LIMCH1: variants seen among roughly 807,000 people sequenced by gnomAD.
LIMCH1 encodes the protein LIM and calponin homology domains-containing protein 1.
Under a neutral mutation model 176.5 loss-of-function variants are expected in LIMCH1, and 113 were observed. The ratio of observed to expected loss-of-function variants is 0.64; its 90% CI spans 0.55 to 0.75. The LOEUF (loss-of-function observed/expected upper bound fraction) is 0.75. Ranked by LOEUF, LIMCH1 falls within the 30% of genes least tolerant of loss-of-function variation. The pLI is 0.00. For missense variants in LIMCH1, 1,674 were observed against 1,814.9 expected (o/e 0.92, Z 1.41); for synonymous variants, 619 against 645.9 (o/e 0.96, Z 0.63).
intron 4 of LIMCH1, among the ~76,000 whole-genome samples, chr4:41,608,591 C>A (rs2091032811): frequency 6.6e-6 from 1 of 152,046 alleles, no homozygotes; most frequent in Admixed American, 6.6e-5. Flanking sequence ...TTGTTAAGTT[C>A]TATAGTAAAG....
At chr4:41,383,071 G>A (rs1280380426) in intron 1 of LIMCH1, among the ~76,000 whole-genome samples, 1 of 152,180 alleles carries the variant, frequency 6.6e-6, no homozygotes, top group Non-Finnish European at 1.5e-5. Context: ...GATTACAGAC[G>A]TGAGCCACTG....
chr4:41,441,666 A>G (rs1325990064), intron 1 of LIMCH1, among the ~76,000 whole-genome samples: 1 of 152,172 alleles, frequency 6.6e-6, no homozygotes, highest in Non-Finnish European at 1.5e-5. Flanking sequence ...TGATTTCTGA[A>G]TAGTGCCATT....
intron 2 of LIMCH1, among the ~76,000 whole-genome samples, chr4:41,512,315 GAC>G (rs71650930): frequency 0.044 from 6,774 of 152,274 alleles, 231 homozygotes; most frequent in Admixed American, 0.078. Flanking sequence ...GTTGCAAAAT[GAC>G]ACAGCCATTT....
At chr4:41,604,287 A>G in intron 3 of LIMCH1, 2 of 842,868 alleles carry the variant, frequency 2.4e-6, no homozygotes, top group African/African-American at 3.7e-5. Context: ...AGATCTGCAC[A>G]ATATGAATAG....
At chr4:41,541,211 A>C (rs2078594851) in intron 1 of LIMCH1, among the ~76,000 whole-genome samples, 1 of 152,240 alleles carries the variant, frequency 6.6e-6, no homozygotes, top group Non-Finnish European at 1.5e-5. Context: ...AGAATGAAGG[A>C]ACCAAAGCAG....
At chr4:41,560,561 C>A (rs1007570580) in intron 1 of LIMCH1, among the ~76,000 whole-genome samples, 2 of 152,174 alleles carry the variant, frequency 1.3e-5, no homozygotes, top group Non-Finnish European at 2.9e-5. Context: ...GTGTACTCCC[C>A]TCTCTATTGT....
At chr4:41,663,215 G>T (rs893457468) in intron 20 of LIMCH1, among the ~76,000 whole-genome samples, 1 of 151,270 alleles carries the variant, frequency 6.6e-6, no homozygotes, top group Non-Finnish European at 1.5e-5. Flanking sequence ...GTGCAGCGGT[G>T]TGATCTCTGC....
chr4:41,499,429 C>T (rs562705398), intron 2 of LIMCH1, among the ~76,000 whole-genome samples: 5 of 152,308 alleles, frequency 3.3e-5, no homozygotes, highest in African/African-American at 1.2e-4. Flanking sequence ...CGTAACCATT[C>T]AAGGCATTTA....
intron 7 of LIMCH1, among the ~76,000 whole-genome samples, chr4:41,625,141 T>A (rs2092858066): frequency 6.6e-6 from 1 of 152,234 alleles, no homozygotes; most frequent in Non-Finnish European, 1.5e-5. Context: ...TTAATTTACC[T>A]GAGTTCAGAT....
intron 1 of LIMCH1, among the ~76,000 whole-genome samples, chr4:41,564,790 G>T (rs1036998317): frequency 6.6e-6 from 1 of 152,206 alleles, no homozygotes; most frequent in Non-Finnish European, 1.5e-5. Context: ...ATCAGGTGGA[G>T]ATAATTGAAT....
rs752441024 is a variant in LIMCH1 at position 41,360,920 on chromosome 4, C to G, written c.80C>G (p.Ala27Gly). The change falls in exon 1 of 27, where the codon GCG (alanine) becomes GGG (glycine). Residue 27 changes from alanine to glycine, a missense_variant. Coordinates refer to the LIMCH1 transcript ENST00000313860. The surrounding 1 kb of genome is among the most constrained non-coding windows in gnomAD (Gnocchi z 4.5). ...CCCCCCGAGCCCGCCTTCTCCGAGG[C>G]GCAGAAGTGGATTGAGGTAGGTGCG... The G allele has an allele frequency of 3.8e-6, 6 of 1,584,774 alleles. No homozygotes were observed. Among genetic ancestry groups the G allele is most frequent in the Non-Finnish European group, 5.1e-6 (6 of 1,168,864 alleles).
intron 1 of LIMCH1, among the ~76,000 whole-genome samples, chr4:41,452,499 C>T (rs1365058445): frequency 6.6e-6 from 1 of 152,208 alleles, no homozygotes; most frequent in African/African-American, 2.4e-5. Flanking sequence ...TTTCAGTTCC[C>T]TGCATCCTCA....
At chr4:41,367,703 A>AAAAAAAAAG (rs2053270807) in intron 1 of LIMCH1, among the ~76,000 whole-genome samples, 1 of 150,288 alleles carries the variant, frequency 6.7e-6, no homozygotes, top group African/African-American at 2.4e-5. Context: ...AAAAAAAAAA[A>AAAAAAAAAG]AAAGGAAAGA....
chr4:41,605,191 C>G (rs1002711276), intron 3 of LIMCH1, among the ~76,000 whole-genome samples: 1 of 152,088 alleles, frequency 6.6e-6, no homozygotes, highest in South Asian at 2.1e-4. Context: ...AGCTTCAGAC[C>G]ATTGAATACT....
chr4:41,494,630 G>T (rs375614747), intron 2 of LIMCH1: 221 of 1,492,212 alleles, frequency 1.5e-4, no homozygotes, highest in Non-Finnish European at 1.7e-4. Flanking sequence ...ATATTCAGTT[G>T]GTTTTATTCA....
chr4:41,644,772 C>T, intron 15 of LIMCH1, 146 bp downstream of exon 15: 1 of 982,736 alleles, frequency 1.0e-6, no homozygotes. Context: ...ATGTGGGACT[C>T]AAAGGAAGGT....
intron 4 of LIMCH1, among the ~76,000 whole-genome samples, chr4:41,611,540 A>G (rs1404535889): frequency 3.3e-5 from 5 of 152,254 alleles, no homozygotes; most frequent in Non-Finnish European, 5.9e-5. Context: ...ATTTTCAGCT[A>G]TACCGTTTGG....
chr4:41,633,867 G>T, intron 13 of LIMCH1, 59 bp downstream of exon 13: 3 of 1,495,298 alleles, frequency 2.0e-6, no homozygotes, highest in Non-Finnish European at 2.7e-6. Context: ...CTTTCAGTGT[G>T]TTCTTAATGC....
At chr4:41,500,422 C>T (rs756518380) in intron 2 of LIMCH1, among the ~76,000 whole-genome samples, 51 of 152,302 alleles carry the variant, frequency 3.3e-4, no homozygotes, top group Middle Eastern at 3.4e-3. Flanking sequence ...CATACTTTTA[C>T]ATTACCCTTA....
Sources: allele counts gnomAD v4.1 joint callset (sites outside exome capture counted in the v4.1 genomes callset), GRCh38; gene constraint gnomAD v4.1.1; non-coding constraint Gnocchi (gnomAD v3.1); transcripts MANE v1.5; gene names NCBI Gene and HGNC (gene_info 2026-07-23, HGNC 2026-07-21).